MFHAS1: variants seen among roughly 807,000 people sequenced by gnomAD.
MFHAS1 encodes the protein multifunctional ROCO family signaling regulator 1.
Under a neutral mutation model 70.4 loss-of-function variants are expected in MFHAS1, and 50 were observed. That is an observed-to-expected ratio of 0.71 (90% CI 0.57 to 0.90). The LOEUF (loss-of-function observed/expected upper bound fraction) is 0.90, where lower values mean the gene tolerates loss of function less well. MFHAS1 is among the 40% of genes least tolerant of loss of function. The pLI is 0.00. For synonymous variants in MFHAS1, 952 were observed against 620.0 expected, an observed-to-expected ratio of 1.54 and a Z score of -7.96; for missense variants, 1,795 against 1,347.6, an observed-to-expected ratio of 1.33 and a Z score of -5.20.
intron 1 of MFHAS1, among the ~76,000 whole-genome samples, chr8:8,841,587 C>T (rs115148790): frequency 0.022 from 3,274 of 152,276 alleles, 111 homozygotes; most frequent in African/African-American, 0.074. Flanking sequence ...AGCTGACAAT[C>T]ACTCGGTCAG....
At chr8:8,807,514 A>G (rs187413642) in intron 1 of MFHAS1, among the ~76,000 whole-genome samples, 1 of 152,294 alleles carries the variant, frequency 6.6e-6, no homozygotes, top group East Asian at 1.9e-4. Flanking sequence ...GAATGTTAAT[A>G]AATTTATTTG....
chr8:8,797,503 G>A lies in MFHAS1; in HGVS notation c.2999-12C>T, dbSNP rs769725387. ...ACTCAGCAACTCCCCTGTAGGAGGA[G>A]AGAGAAAAACGTGTTAGGGAGATGT... On this transcript the variant is annotated splice_polypyrimidine_tract_variant and intron_variant, in intron 1 of 2. Coordinates refer to ENST00000276282, the MANE Select transcript of MFHAS1 (RefSeq NM_004225.3). The A allele has an allele frequency of 7.4e-6, 12 of 1,611,664 alleles. No individual in the cohort carries two copies. Among genetic ancestry groups the A allele is most frequent in the Non-Finnish European group, 1.0e-5 (12 of 1,178,552 alleles).
chr8:8,801,533 A>G (rs1418115266), intron 1 of MFHAS1, among the ~76,000 whole-genome samples: 1 of 152,256 alleles, frequency 6.6e-6, no homozygotes, highest in Non-Finnish European at 1.5e-5. Context: ...AGAAACGTGC[A>G]CAGTTCCTAG....
intron 1 of MFHAS1, among the ~76,000 whole-genome samples, chr8:8,801,750 G>C (rs866215553): frequency 2.0e-5 from 3 of 152,344 alleles, no homozygotes; most frequent in South Asian, 2.1e-4. Flanking sequence ...AGAAGACGCA[G>C]GGGTCTGAGA....
rs1160149044 is a variant in MFHAS1, at chr8:8,783,777, G to C, written c.*2245C>G. On this transcript the variant is annotated 3_prime_UTR_variant, in exon 3 of 3. Coordinates refer to ENST00000276282, the MANE Select transcript of MFHAS1 (RefSeq NM_004225.3). Reference sequence around the variant, plus strand: ...GGGCTGCTGTGTCTTTCCAGGTGCTGAAAGAGAAAACGGAATTTCTTGCAT... The same window carrying C: ...GGGCTGCTGTGTCTTTCCAGGTGCTCAAAGAGAAAACGGAATTTCTTGCAT... The C allele has an allele frequency of 2.6e-5, 4 of 152,154 alleles. No homozygotes were observed. The highest frequency in any genetic ancestry group is 3.8e-4 in the East Asian group (2 of 5,196). 9.4% of individuals were successfully genotyped at this position (152,154 alleles called of 1,614,324 possible).
intron 1 of MFHAS1, among the ~76,000 whole-genome samples, chr8:8,888,274 C>T (rs757789411): frequency 2.0e-5 from 3 of 152,186 alleles, no homozygotes; most frequent in Non-Finnish European, 4.4e-5. Context: ...AAAGATGTCA[C>T]CTTCGGAAAT....
intron 1 of MFHAS1, among the ~76,000 whole-genome samples, chr8:8,852,522 G>C (rs1808286613): frequency 6.6e-6 from 1 of 151,724 alleles, no homozygotes; most frequent in Non-Finnish European, 1.5e-5. Flanking sequence ...CCCACAAGAG[G>C]GTTTAGACCT....
At chr8:8,851,249 T>C (rs577795964) in intron 1 of MFHAS1, among the ~76,000 whole-genome samples, 4 of 148,804 alleles carry the variant, frequency 2.7e-5, no homozygotes, top group Non-Finnish European at 5.9e-5. Context: ...GTCTTATAAA[T>C]AGAAACTATA....
intron 1 of MFHAS1, among the ~76,000 whole-genome samples, chr8:8,862,405 A>G (rs774557431): frequency 2.7e-5 from 4 of 147,894 alleles, no homozygotes; most frequent in Admixed American, 2.0e-4. Flanking sequence ...TTTTTTAATC[A>G]GATATATATT....
At chr8:8,829,625 G>A (rs1807293507) in intron 1 of MFHAS1, among the ~76,000 whole-genome samples, 1 of 152,202 alleles carries the variant, frequency 6.6e-6, no homozygotes, top group Non-Finnish European at 1.5e-5. Flanking sequence ...AGGTTGCAGT[G>A]AGCCGAGATC....
intron 1 of MFHAS1, among the ~76,000 whole-genome samples, chr8:8,849,915 G>A (rs929535819): frequency 2.0e-5 from 3 of 152,212 alleles, no homozygotes; most frequent in African/African-American, 7.2e-5. Flanking sequence ...TTCTGAGACA[G>A]AAAGCAACCA....
intron 1 of MFHAS1, among the ~76,000 whole-genome samples, chr8:8,859,406 C>G (rs1310060668): frequency 6.6e-6 from 1 of 152,206 alleles, no homozygotes; most frequent in Non-Finnish European, 1.5e-5. Context: ...GAGGCCTTCT[C>G]ATACACTAAG....
chr8:8,797,479 C>A lies in MFHAS1; in HGVS notation c.3011G>T (p.Ser1004Ile). The change falls in exon 2 of 3, where the codon AGT (serine) becomes ATT (isoleucine). Residue 1004 changes from serine (S) to isoleucine (I), a missense_variant. Ser to Ile is a moderately radical substitution (Grantham distance 142, BLOSUM62 -2). Transcript: ENST00000276282. Reference protein sequence around the residue: ...NPHAFPGELLSQPRPEGVAEI... With the variant: ...NPHAFPGELLIQPRPEGVAEI... ...TGCCACTCCTTCCGGTCTGGGCTGACTCAGCAACTCCCCTGTAGGAGGAGA... is the reference window on the plus strand; with the variant it reads ...TGCCACTCCTTCCGGTCTGGGCTGAATCAGCAACTCCCCTGTAGGAGGAGA... The A allele has an allele frequency of 1.2e-6, 2 of 1,613,850 alleles. No homozygotes were observed. The highest frequency in any genetic ancestry group is 1.7e-6 in the Non-Finnish European group (2 of 1,179,806).
Position 8,892,521 on chromosome 8 carries a change from G to A in MFHAS1, c.538C>T (p.Leu180Phe), listed in dbSNP as rs369037183. ...LAHLPDSLSC[L>F]SRLRTLDVDH... ...ACGTCCAGGGTGCGCAGGCGGGAGAGGCAGGAGAGGGAGTCAGGCAGGTGC... is the reference window on the plus strand; with the variant it reads ...ACGTCCAGGGTGCGCAGGCGGGAGAAGCAGGAGAGGGAGTCAGGCAGGTGC... The change falls in exon 1 of 3, where the codon CTC becomes TTC. Residue 180 changes from leucine to phenylalanine, a missense_variant. Leu to Phe is a conservative substitution (Grantham distance 22). Coordinates refer to ENST00000276282, the MANE Select transcript of MFHAS1 (RefSeq NM_004225.3). The surrounding 1 kb of genome is among the most constrained non-coding windows in gnomAD (Gnocchi z 4.7). 6 of 1,596,544 alleles carry A rather than the reference G, an allele frequency of 3.8e-6. No individual in the cohort carries two copies. Among genetic ancestry groups the A allele is most frequent in the Admixed American group, 1.8e-5 (1 of 56,680 alleles).
intron 1 of MFHAS1, among the ~76,000 whole-genome samples, chr8:8,808,509 G>A (rs1015928619): frequency 1.3e-5 from 2 of 152,194 alleles, no homozygotes; most frequent in African/African-American, 2.4e-5. Flanking sequence ...AAGAGAAGCT[G>A]TTAAGTGCTT....
intron 1 of MFHAS1, among the ~76,000 whole-genome samples, chr8:8,825,625 T>C (rs549101478): frequency 2.6e-5 from 4 of 152,300 alleles, no homozygotes; most frequent in African/African-American, 9.6e-5. Context: ...TGAGGATGTT[T>C]GGGTACAAAT....
intron 1 of MFHAS1, among the ~76,000 whole-genome samples, chr8:8,836,901 A>G (rs1435989752): frequency 6.6e-6 from 1 of 152,176 alleles, no homozygotes; most frequent in Non-Finnish European, 1.5e-5. Context: ...CCGCAGTGAC[A>G]GTCATCTTGT....
chr8:8,841,814 T>A (rs767951246), intron 1 of MFHAS1, among the ~76,000 whole-genome samples: 2 of 152,186 alleles, frequency 1.3e-5, no homozygotes, highest in Non-Finnish European at 2.9e-5. Flanking sequence ...ATCTTCCTGT[T>A]CGTATCCCAG....
At chr8:8,786,097 C>T (rs773266334) in intron 2 of MFHAS1, 42 bp from the exon 3 acceptor site, 7 of 1,560,246 alleles carry the variant, frequency 4.5e-6, no homozygotes, top group Admixed American at 3.3e-5. Flanking sequence ...ATGACAAAAA[C>T]GTACTGGACA....
Sources: gnomAD v4.1 joint callset for allele counts (sites outside exome capture counted in the v4.1 genomes callset) on GRCh38, gnomAD v4.1.1 for gene constraint, Gnocchi (gnomAD v3.1) non-coding constraint, MANE v1.5 for transcripts, NCBI Gene and HGNC (gene_info 2026-07-23, HGNC 2026-07-21) for gene names.